ADGRF5: variants seen among roughly 807,000 people sequenced by gnomAD.
The protein encoded by ADGRF5 is adhesion G protein-coupled receptor F5.
In ADGRF5, 75 loss-of-function variants were observed where a neutral mutation model predicts 132.3. The observed-to-expected ratio is 0.57, with a 90% CI of 0.47 to 0.69. The LOEUF is 0.69. Among genes scored for constraint, ADGRF5 ranks in the 30% least tolerant of loss-of-function variants. The probability of loss-of-function intolerance (pLI) is 0.00; values close to 1 mark genes in which losing one functional copy is unlikely to be tolerated. For synonymous variants in ADGRF5, 629 were observed against 597.6 expected (o/e 1.05, Z -0.77); for missense variants, 1,516 against 1,630.6 (o/e 0.93, Z 1.21).
upstream of ADGRF5, among the ~76,000 whole-genome samples, chr6:46,925,719 T>C (rs1777214428): frequency 6.6e-6 from 1 of 152,244 alleles, no homozygotes; most frequent in Non-Finnish European, 1.5e-5. Context: ...ATTGCGCCAT[T>C]GCATTCCAGC....
intron 1 of ADGRF5, among the ~76,000 whole-genome samples, chr6:46,942,826 A>T (rs1778146188): frequency 6.6e-6 from 1 of 152,062 alleles, no homozygotes; most frequent in Admixed American, 6.6e-5. Flanking sequence ...CACAGCTGAG[A>T]TCCCACATGC....
intron 9 of ADGRF5, among the ~76,000 whole-genome samples, chr6:46,879,457 A>G (rs1178377167): frequency 6.6e-6 from 1 of 152,054 alleles, no homozygotes; most frequent in Non-Finnish European, 1.5e-5. Context: ...TTAAAACCAG[A>G]TGTTTGACAA....
intron 17 of ADGRF5, among the ~76,000 whole-genome samples, chr6:46,857,565 A>ACATAACTTC (rs1170789678): frequency 1.3e-5 from 2 of 152,212 alleles, no homozygotes; most frequent in Non-Finnish European, 2.9e-5. Context: ...GTAGTTAGTT[A>ACATAACTTC]TGTGCTGCAG....
Position 46,888,523 on chromosome 6 carries a change from G to A in ADGRF5, c.158-18C>T, listed in dbSNP as rs1440015701. 5 of 1,586,612 alleles carry A rather than the reference G, an allele frequency of 3.2e-6. No individual in the cohort carries two copies. Among genetic ancestry groups the A allele is most frequent in the Non-Finnish European group, 4.3e-6 (5 of 1,154,686 alleles). ...TGTGGCAACTGCAATGAAAGCACATGAAGGCTGAGAGAACTTACCATGGGA... is the reference window on the plus strand; with the variant it reads ...TGTGGCAACTGCAATGAAAGCACATAAAGGCTGAGAGAACTTACCATGGGA... On this transcript the variant is annotated intron_variant, in intron 3 of 20. Transcript: ENST00000283296.
At chr6:46,904,236 C>G (rs1775078501) in intron 2 of ADGRF5, among the ~76,000 whole-genome samples, 1 of 152,162 alleles carries the variant, frequency 6.6e-6, no homozygotes, top group Non-Finnish European at 1.5e-5. Flanking sequence ...CCCTTTACCC[C>G]ACATGTGTAT....
chr6:46,953,657 A>ATATATATATATATATATATATATATG (rs1778596729), intron 1 of ADGRF5, among the ~76,000 whole-genome samples: 1 of 43,972 alleles, frequency 2.3e-5, no homozygotes, highest in Non-Finnish European at 5.8e-5. Context: ...ATGTGTATAT[A>ATATATATATATATATATATATATATG]TATATATATA....
At chr6:46,885,459 C>T (rs907170243) in intron 4 of ADGRF5, among the ~76,000 whole-genome samples, 4 of 151,998 alleles carry the variant, frequency 2.6e-5, no homozygotes, top group African/African-American at 9.7e-5. Flanking sequence ...GACACAAAGA[C>T]AAAAAGAAAA....
chr6:46,882,713 G>C lies in ADGRF5; in HGVS notation c.613-606C>G, dbSNP rs148806536. On this transcript the variant is annotated intron_variant, in intron 6 of 20. Coordinates refer to ENST00000283296, the MANE Select transcript of ADGRF5 (RefSeq NM_001098518.2). ...TTCAAAGCATATAATTTAGTGTAGT[G>C]TGTGTGTGAGGAGGGTTCTCCTGCT... Among the ~76,000 whole-genome samples, 187 of 152,326 alleles carry C rather than the reference G, an allele frequency of 1.2e-3. 1 individual carries two copies. The highest frequency in any genetic ancestry group is 1.2e-3 in the Admixed American group (19 of 15,298).
intron 2 of ADGRF5, among the ~76,000 whole-genome samples, chr6:46,903,121 C>T (rs748271215): frequency 6.5e-4 from 99 of 152,174 alleles, no homozygotes; most frequent in East Asian, 5.8e-4. Context: ...GCCTTACCAT[C>T]CTGAGTCCTC....
chr6:46,949,223 T>TGAAA (rs1333693859), intron 1 of ADGRF5, among the ~76,000 whole-genome samples: 13 of 152,144 alleles, frequency 8.5e-5, no homozygotes, highest in Non-Finnish European at 1.8e-4. Flanking sequence ...GCTGCTTTCT[T>TGAAA]CCCCCAGGAT....
intron 3 of ADGRF5, among the ~76,000 whole-genome samples, chr6:46,892,157 C>CAA (rs1436896861): frequency 4.7e-3 from 1 of 214 alleles, no homozygotes; most frequent in East Asian, 0.25. Flanking sequence ...TACACAAATA[C>CAA]ACACACACAC....
At chr6:46,864,135 C>T (rs558382) in intron 14 of ADGRF5, among the ~76,000 whole-genome samples, 127,207 of 152,168 alleles carry the variant, frequency 0.84, 54,979 homozygotes, top group East Asian at 0.99. Flanking sequence ...TCATCATTTA[C>T]CCCTTGTCTT....
chr6:46,862,962 C>T lies in ADGRF5; in HGVS notation c.2125G>A (p.Val709Ile). ...PIGGTITYKC[V>I]GSQWEEKRND... ...CTCTTCTCCTCCCACTGGGAGCCTA[C>T]ACATTTGTAAGTGATGGTCCCGCCA... Residue 709 changes from valine to isoleucine, a missense_variant, in exon 15 of 21, where the codon GTA becomes ATA. Val to Ile is a conservative substitution (Grantham distance 29). Around this residue, in one of 2 missense-constraint regions of ADGRF5, gnomAD observed 945 missense variants for 929.4 expected, o/e 1.02. Transcript: ENST00000283296. 1 of 1,613,388 alleles carries T rather than the reference C, an allele frequency of 6.2e-7. No homozygotes were observed. The highest frequency in any genetic ancestry group is 1.1e-5 in the South Asian group (1 of 91,042).
intron 1 of ADGRF5, among the ~76,000 whole-genome samples, chr6:46,931,128 C>T (rs533772784): frequency 6.6e-6 from 1 of 152,330 alleles, no homozygotes; most frequent in East Asian, 1.9e-4. Flanking sequence ...CCATTGTGGT[C>T]TTCTTTCCAG....
chr6:46,897,394 G>A (rs570288327), intron 3 of ADGRF5, among the ~76,000 whole-genome samples: 2 of 152,060 alleles, frequency 1.3e-5, no homozygotes, highest in East Asian at 1.9e-4. Context: ...TGGCATCCAG[G>A]CTTCAGAAAG....
intron 7 of ADGRF5, 144 bp from the exon 8 acceptor site, chr6:46,881,741 C>T (rs960555858): frequency 3.0e-6 from 2 of 672,916 alleles, no homozygotes; most frequent in African/African-American, 3.6e-5. Flanking sequence ...CCAGCAGGAT[C>T]TTCTGGAAGA....
chr6:46,878,451 T>G (rs2150830618), intron 9 of ADGRF5, 46 bp from the exon 10 acceptor site: 1 of 1,161,742 alleles, frequency 8.6e-7, no homozygotes, highest in East Asian at 2.5e-5. Flanking sequence ...CACATGTGTA[T>G]TTTCTTAGAG....
chr6:46,869,429 C>T (rs1254320677), intron 11 of ADGRF5: 1 of 975,914 alleles, frequency 1.0e-6, no homozygotes, highest in Non-Finnish European at 1.2e-6. Context: ...ACGCTCCCCT[C>T]CAACCTCCTC....
At chr6:46,896,969 T>C (rs537767868) in intron 3 of ADGRF5, among the ~76,000 whole-genome samples, 1 of 152,232 alleles carries the variant, frequency 6.6e-6, no homozygotes, top group East Asian at 1.9e-4. Context: ...ACATAGGTTA[T>C]ATGCAAATTG....
Sources: gnomAD v4.1 joint callset for allele counts (sites outside exome capture counted in the v4.1 genomes callset) on GRCh38, gnomAD v4.1.1 for gene constraint, gnomAD v4.1.1 regional missense constraint, MANE v1.5 for transcripts, NCBI Gene and HGNC (gene_info 2026-07-23, HGNC 2026-07-21) for gene names.